Variants in FBXW9 observed in about 807,000 individuals in gnomAD.
FBXW9 encodes F-box/WD repeat-containing protein 9.
FBXW9 carries 38 observed loss-of-function variants against 55.8 expected under a neutral mutation model. The ratio of observed to expected loss-of-function variants is 0.68; its 90% CI spans 0.53 to 0.89. FBXW9 has a LOEUF of 0.89. FBXW9 is among the 40% of genes least tolerant of loss of function. FBXW9 has a pLI of 0.00. For synonymous variants in FBXW9, 289 were observed against 278.2 expected (o/e 1.04, Z -0.38); for missense variants, 590 against 619.4 (o/e 0.95, Z 0.50).
In FBXW9 at chr19:12,689,354, C is replaced by T. The variant is rs1263855589; in HGVS notation, c.1302+18G>A. The stretch of plus-strand genomic sequence containing the variant: ...GCGCTCTGGCCAGCTGGGCAGGGCA[C>T]ATGGGGCAGGACCTTACCCTATTGA... On this transcript the variant is annotated intron_variant, in intron 9 of 9. Coordinates refer to ENST00000393261, the MANE Select transcript of FBXW9 (RefSeq NM_032301.3). This position sits in a 1 kb window ranked among gnomAD's most constrained non-coding sequence, Gnocchi z 5.9. 2.5e-6 allele frequency: 4 copies of T among 1,614,154 alleles called. No individual in the cohort carries two copies. The highest frequency in any genetic ancestry group is 3.4e-6 in the Non-Finnish European group (4 of 1,180,000).
At position 12,696,334 on chromosome 19, in the gene FBXW9, G is replaced by A. The variant is rs749341678; in HGVS notation, c.248C>T (p.Pro83Leu). 12 of 1,595,596 alleles carry A rather than the reference G, an allele frequency of 7.5e-6. No homozygotes were observed. The highest frequency in any genetic ancestry group is 2.7e-5 in the African/African-American group (2 of 74,756). Residue 83 changes from proline to leucine, a missense_variant, in exon 1 of 10, where the codon CCC becomes CTC. Coordinates refer to ENST00000393261, the MANE Select transcript of FBXW9 (RefSeq NM_032301.3). ...GCAGATCTCGAGCAGCAGCTCCGGG[G>A]GAAGGCTCAGAAGGCCCGGCTCACT... ...AVSEPGLLSL[P>L]PELLLEICSY...
At position 12,694,695 on chromosome 19, in the gene FBXW9, G is replaced by C; in HGVS notation, c.577C>G (p.Arg193Gly). ...TCCCACAAGTTGACGTTGCGATCTC[G>C]GGAGCCCGACAGACAGAGTGACCCA... ...QGGSLCLSGS[R>G]DRNVNLWDLR... Residue 193 changes from arginine to glycine, a missense_variant, in exon 3 of 10, where the codon CGA (arginine) becomes GGA (glycine). Arg to Gly is a moderately radical substitution (Grantham distance 125). Transcript: ENST00000393261. The C allele has an allele frequency of 1.9e-6, 3 of 1,614,176 alleles. No individual in the cohort carries two copies. The highest frequency in any genetic ancestry group is 2.5e-6 in the Non-Finnish European group (3 of 1,180,044).
intron 5 of FBXW9, chr19:12,690,327 T>G: frequency 1.4e-6 from 1 of 706,034 alleles, no homozygotes; most frequent in Non-Finnish European, 2.4e-6. Flanking sequence ...CCACATCCCA[T>G]ATCCCTCCTC....
rs989261905 is a variant in FBXW9, at chr19:12,696,379, G to C, written c.203C>G (p.Ala68Gly). 5 of 1,610,558 alleles carry C rather than the reference G, an allele frequency of 3.1e-6. No individual in the cohort carries two copies. Among genetic ancestry groups the C allele is most frequent in the Non-Finnish European group, 4.2e-6 (5 of 1,179,038 alleles). The change falls in exon 1 of 10, where the codon GCG becomes GGG. Residue 68 changes from alanine (A) to glycine (G), a missense_variant. Transcript: ENST00000393261. ...CTCACTTACGGCCGAAACCCTGGAC[G>C]CGGCCCGAGGCTCCGAAGCGCTCGG... ...ASPSASEPRAASRVSAVSEPG... is the reference protein window; with the variant it reads ...ASPSASEPRAGSRVSAVSEPG...
intron 3 of FBXW9, among the ~76,000 whole-genome samples, chr19:12,693,522 AAAAAAAAATATATAT>A (rs2025032114): frequency 3.3e-5 from 1 of 30,110 alleles, no homozygotes; most frequent in Non-Finnish European, 6.5e-5. Flanking sequence ...AAAAAAAAAA[AAAAAAAAATATATAT>A]ATATATATAT....
chr19:12,692,546 T>A (rs1049719623), intron 3 of FBXW9, among the ~76,000 whole-genome samples: 1 of 136,146 alleles, frequency 7.3e-6, no homozygotes, highest in African/African-American at 2.9e-5. Flanking sequence ...TTTTGAGACA[T>A]AGTATCGCTC....
rs572261305 is a variant in FBXW9 at position 12,692,102 on chromosome 19, C to T, written c.679-648G>A. Among the ~76,000 whole-genome samples the T allele has an allele frequency of 6.0e-5, 9 of 151,006 alleles. No individual in the cohort carries two copies. In the South Asian group the frequency reaches 1.9e-3, roughly 32 times the overall value. On this transcript the variant is annotated intron_variant, in intron 3 of 9. Coordinates refer to ENST00000393261, the MANE Select transcript of FBXW9 (RefSeq NM_032301.3). ...TGAGACAAGGTCTTGCTGTGTCATC[C>T]AGGCATGAATGCAGTGGTGCGATCA...
Position 12,689,027 on chromosome 19 carries a change from C to G in FBXW9, c.*189G>C. On this transcript the variant is annotated 3_prime_UTR_variant, in exon 10 of 10. Coordinates refer to ENST00000393261, the MANE Select transcript of FBXW9 (RefSeq NM_032301.3). This position sits in a 1 kb window ranked among gnomAD's most constrained non-coding sequence, Gnocchi z 5.9. ...AGTGGGAAGCGGCCCCCTGGGTGGG[C>G]CTGAACCCCAATTTCACCCTTCCCC... The G allele has an allele frequency of 1.4e-6, 1 of 705,918 alleles. No individual in the cohort carries two copies. The highest frequency in any genetic ancestry group is 2.6e-6 in the Non-Finnish European group (1 of 388,146). The allele number at this position is 705,918 out of a possible 1,614,324, so 43.7% of individuals were successfully genotyped here.
In FBXW9 at chr19:12,689,092, G is replaced by T; in HGVS notation, c.*124C>A. ...AGGCCAGGACGCTCACCCGAATGTG[G>T]CTGGGACTCCTTGTGCCCTAGGCCC... On this transcript the variant is annotated 3_prime_UTR_variant, in exon 10 of 10. Coordinates refer to ENST00000393261, the MANE Select transcript of FBXW9 (RefSeq NM_032301.3). The surrounding 1 kb of genome is among the most constrained non-coding windows in gnomAD (Gnocchi z 5.9). 1 of 835,524 alleles carries T rather than the reference G, an allele frequency of 1.2e-6. No individual in the cohort carries two copies. Among genetic ancestry groups the T allele is most frequent in the Non-Finnish European group, 2.0e-6 (1 of 492,872 alleles). The allele number at this position is 835,524 out of a possible 1,614,324, so 51.8% of individuals were successfully genotyped here.
rs1465095684 is a variant in FBXW9 at position 12,688,926 on chromosome 19, A to G, written c.*290T>C. The G allele has an allele frequency of 1.7e-6, 1 of 575,364 alleles. No individual in the cohort carries two copies. The highest frequency in any genetic ancestry group is 3.3e-6 in the Non-Finnish European group (1 of 307,132). The allele number at this position is 575,364 out of a possible 1,614,324, so 35.6% of individuals were successfully genotyped here. A position where few individuals can be genotyped will look rare whatever the true frequency, so the allele number is the denominator to read the frequency against. On this transcript the variant is annotated 3_prime_UTR_variant, in exon 10 of 10. Transcript: ENST00000393261. Reference sequence around the variant, plus strand: ...CACTCACACTCCAGGCCCAAGCACCAACATGTCAGGTTTATTTCTCCTTCG... The same window carrying G: ...CACTCACACTCCAGGCCCAAGCACCGACATGTCAGGTTTATTTCTCCTTCG...
At chr19:12,690,714 T>G (rs1283999107) in intron 5 of FBXW9, among the ~76,000 whole-genome samples, 1 of 151,690 alleles carries the variant, frequency 6.6e-6, no homozygotes, top group Non-Finnish European at 1.5e-5. Context: ...AGGTCAGGAG[T>G]TCATGACCAG....
intron 1 of FBXW9, 137 bp downstream of exon 1, chr19:12,696,036 T>A: frequency 1.1e-6 from 1 of 949,120 alleles, no homozygotes; most frequent in Non-Finnish European, 1.5e-6. Context: ...TACCTTAGCC[T>A]CCAGCCTGAG....
At position 12,689,629 on chromosome 19, in the gene FBXW9, G is replaced by A. The variant is rs1321622468; in HGVS notation, c.1148C>T (p.Ser383Phe). The A allele has an allele frequency of 1.2e-6, 2 of 1,614,016 alleles. No homozygotes were observed. The highest frequency in any genetic ancestry group is 2.7e-5 in the African/African-American group (2 of 75,024). Residue 383 changes from serine to phenylalanine, a missense_variant and splice_region_variant, in exon 8 of 10, where the codon TCC (serine) becomes TTC (phenylalanine). Coordinates refer to ENST00000393261, the MANE Select transcript of FBXW9 (RefSeq NM_032301.3). The surrounding 1 kb of genome is among the most constrained non-coding windows in gnomAD (Gnocchi z 5.9). ...NRNGCFQLIR[S>F]FDVGHSFPIT... is the part of the protein sequence containing the mutation. ...GGGAAAGCTGTGGCCCACATCAAAG[G>A]ACTGCAGGAGGAGGATCAGGCAACA...
At chr19:12,696,102 T>A in intron 1 of FBXW9, 71 bp downstream of exon 1, 1 of 1,413,716 alleles carries the variant, frequency 7.1e-7, no homozygotes, top group Non-Finnish European at 9.3e-7. Context: ...CCCATGTACC[T>A]CTTCCCCGCC....
At position 12,689,060 on chromosome 19, in the gene FBXW9, A is replaced by G. The variant is rs768423118; in HGVS notation, c.*156T>C. ...CCAATTTCACCCTTCCCCCGGGCAT[A>G]GGGCCCAGGCCAGGACGCTCACCCG... On this transcript the variant is annotated 3_prime_UTR_variant, in exon 10 of 10. Coordinates refer to ENST00000393261, the MANE Select transcript of FBXW9 (RefSeq NM_032301.3). The surrounding 1 kb of genome is among the most constrained non-coding windows in gnomAD (Gnocchi z 5.9). 1 of 738,234 alleles carries G rather than the reference A, an allele frequency of 1.4e-6. No homozygotes were observed. Among genetic ancestry groups the G allele is most frequent in the South Asian group, 1.5e-5 (1 of 68,306 alleles). 45.7% of individuals were successfully genotyped at this position (738,234 alleles called of 1,614,324 possible). A position where few individuals can be genotyped will look rare whatever the true frequency, so the allele number is the denominator to read the frequency against.
At chr19:12,694,777 C>T in intron 2 of FBXW9, 22 bp downstream of exon 2, 1 of 1,613,526 alleles carries the variant, frequency 6.2e-7, no homozygotes, top group Non-Finnish European at 8.5e-7. Context: ...CCCTGCCTGG[C>T]CCCCCACAGA....
At chr19:12,696,139 C>G in intron 1 of FBXW9, 34 bp downstream of exon 1, 1 of 1,457,856 alleles carries the variant, frequency 6.9e-7, no homozygotes, top group Non-Finnish European at 9.1e-7. Context: ...CGGGCGCCCC[C>G]GGCCCCCGGT....
rs1555715567 is a variant in FBXW9 at position 12,689,684 on chromosome 19, TC to T, written c.1147-55del. 6.2e-6 allele frequency: 10 copies of T among 1,606,188 alleles called. No homozygotes were observed. Among genetic ancestry groups the T allele is most frequent in the Non-Finnish European group, 6.8e-6 (8 of 1,173,614 alleles). ...GTCGAGGCTCTCCCAAGGCCCGCCC[TC>T]CCCCACACCACCAGGGGCTCGGGTA... On this transcript the variant is annotated intron_variant, in intron 7 of 9. Transcript: ENST00000393261. This position sits in a 1 kb window ranked among gnomAD's most constrained non-coding sequence, Gnocchi z 5.9.
chr19:12,692,579 T>C (rs1368373158), intron 3 of FBXW9, among the ~76,000 whole-genome samples: 2 of 150,808 alleles, frequency 1.3e-5, no homozygotes, highest in African/African-American at 4.9e-5. Flanking sequence ...TGGAGTGCAG[T>C]GGCATGATCT....
Sources: allele counts gnomAD v4.1 joint callset (sites outside exome capture counted in the v4.1 genomes callset), GRCh38; gene constraint gnomAD v4.1.1; non-coding constraint Gnocchi (gnomAD v3.1); transcripts MANE v1.5; gene names NCBI Gene and HGNC (gene_info 2026-07-23, HGNC 2026-07-21).